Variants in CMSS1 observed in about 807,000 individuals in gnomAD.
The protein encoded by CMSS1 is cms1 ribosomal small subunit homolog.
CMSS1 carries 33 observed loss-of-function variants against 43.5 expected under a neutral mutation model. The ratio of observed to expected loss-of-function variants is 0.76; its 90% CI spans 0.57 to 1.01. The LOEUF (loss-of-function observed/expected upper bound fraction) is 1.01, where lower values mean the gene tolerates loss of function less well. Ranked by LOEUF, CMSS1 falls within the 50% of genes least tolerant of loss-of-function variation. The probability of loss-of-function intolerance (pLI) is 0.00; values close to 1 mark genes in which losing one functional copy is unlikely to be tolerated. For synonymous variants in CMSS1, 115 were observed against 117.2 expected (o/e 0.98, Z 0.12); for missense variants, 313 against 326.4 (o/e 0.96, Z 0.32).
chr3:100,068,773 G>A (rs1171294324), intron 1 of CMSS1, among the ~76,000 whole-genome samples: 3 of 152,200 alleles, frequency 2.0e-5, no homozygotes, highest in African/African-American at 7.2e-5. Context: ...GAATACAGGC[G>A]CCCACCACCA....
In CMSS1 at chr3:100,176,219, G is replaced by C; in HGVS notation, c.668-108G>C. On this transcript the variant is annotated intron_variant, in intron 8 of 9. Transcript: ENST00000421999. ...AATGTGCGGAGATTAGTTACTGGGG[G>C]AGAGGACAACATATGAGACAAAAAG... 4.4e-6 allele frequency: 3 copies of C among 689,576 alleles called. No homozygotes were observed. In the South Asian group the frequency reaches 5.6e-5, roughly 13 times the overall value. 42.7% of individuals were successfully genotyped at this position (689,576 alleles called of 1,614,324 possible).
chr3:100,018,921 A>G (rs1427758758), intron 1 of CMSS1, among the ~76,000 whole-genome samples: 1 of 152,206 alleles, frequency 6.6e-6, no homozygotes, highest in African/African-American at 2.4e-5. Context: ...AAGAAGATAA[A>G]TAGCCAAGAG....
At chr3:99,861,602 C>T (rs144815561) in intron 1 of CMSS1, among the ~76,000 whole-genome samples, 8 of 152,154 alleles carry the variant, frequency 5.3e-5, no homozygotes, top group Non-Finnish European at 8.8e-5. Context: ...GTCTGTTTGC[C>T]CAAGGTAGCC....
intron 1 of CMSS1, among the ~76,000 whole-genome samples, chr3:100,065,863 A>G (rs1393063316): frequency 1.3e-5 from 2 of 152,224 alleles, no homozygotes; most frequent in Non-Finnish European, 2.9e-5. Context: ...ACTGTGTTCT[A>G]TGCTGTAAGG....
At chr3:99,901,408 T>C (rs793463) in intron 1 of CMSS1, among the ~76,000 whole-genome samples, 40,357 of 152,082 alleles carry the variant, frequency 0.27, 6,069 homozygotes, top group Admixed American at 0.34. Flanking sequence ...TCATTTTAGC[T>C]CATGTCAAAA....
intron 2 of CMSS1, among the ~76,000 whole-genome samples, chr3:100,150,481 G>A (rs1206362822): frequency 6.6e-6 from 1 of 152,056 alleles, no homozygotes; most frequent in African/African-American, 2.4e-5. Context: ...ATACATTTAG[G>A]CTTTAATATC....
At chr3:99,827,040 T>G (rs1306507818) in intron 1 of CMSS1, among the ~76,000 whole-genome samples, 1 of 152,228 alleles carries the variant, frequency 6.6e-6, no homozygotes, top group Non-Finnish European at 1.5e-5. Flanking sequence ...ATATTTCAGT[T>G]GTGTTACATA....
At chr3:100,137,563 AC>A (rs1018506672) in intron 1 of CMSS1, among the ~76,000 whole-genome samples, 7 of 151,158 alleles carry the variant, frequency 4.6e-5, no homozygotes, top group African/African-American at 1.5e-4. Context: ...TAAGCATGTA[AC>A]TTTTTTTTTT....
intron 1 of CMSS1, among the ~76,000 whole-genome samples, chr3:99,991,875 C>CACATATAT (rs1346566776): frequency 4.8e-5 from 7 of 146,566 alleles, no homozygotes; most frequent in Non-Finnish European, 1.1e-4. Flanking sequence ...TATATATACA[C>CACATATAT]ACATATATGT....
chr3:100,175,994 G>T (rs1446941104), intron 8 of CMSS1, among the ~76,000 whole-genome samples: 1 of 152,162 alleles, frequency 6.6e-6, no homozygotes, highest in Non-Finnish European at 1.5e-5. Flanking sequence ...CAAACTGCGG[G>T]ATTTAACTTA....
chr3:100,131,486 G>A (rs546925000), intron 1 of CMSS1, among the ~76,000 whole-genome samples: 155 of 152,262 alleles, frequency 1.0e-3, no homozygotes, highest in African/African-American at 3.4e-3. Flanking sequence ...CTATTGAGTG[G>A]CAGAGGTGTG....
intron 1 of CMSS1, among the ~76,000 whole-genome samples, chr3:100,025,120 G>A (rs550023339): frequency 1.3e-4 from 20 of 152,204 alleles, no homozygotes; most frequent in African/African-American, 4.3e-4. Flanking sequence ...AATCGAGGCC[G>A]TAAGATTTCC....
At chr3:100,012,761 CTTTTT>C (rs35737304) in intron 1 of CMSS1, among the ~76,000 whole-genome samples, 2 of 93,602 alleles carry the variant, frequency 2.1e-5, no homozygotes, top group African/African-American at 3.6e-5. Context: ...GAAGCATATT[CTTTTT>C]TTTTTTTTTT....
intron 1 of CMSS1, among the ~76,000 whole-genome samples, chr3:100,125,964 G>T (rs1559765624): frequency 6.6e-6 from 1 of 152,092 alleles, no homozygotes; most frequent in African/African-American, 2.4e-5. Flanking sequence ...GGAACTTGTG[G>T]TATAAAGGGT....
intron 1 of CMSS1, among the ~76,000 whole-genome samples, chr3:100,094,036 A>T (rs186935529): frequency 6.6e-6 from 1 of 152,230 alleles, no homozygotes; most frequent in Non-Finnish European, 1.5e-5. Context: ...ACCAACTTAC[A>T]TTCCTACCAG....
chr3:99,822,490 G>T (rs1942457227), intron 1 of CMSS1, among the ~76,000 whole-genome samples: 1 of 152,150 alleles, frequency 6.6e-6, no homozygotes, highest in Admixed American at 6.5e-5. Flanking sequence ...CTACACTTTG[G>T]GAGGCTGAGG....
chr3:99,967,267 A>C (rs1439476508), intron 1 of CMSS1, among the ~76,000 whole-genome samples: 1 of 152,212 alleles, frequency 6.6e-6, no homozygotes, highest in African/African-American at 2.4e-5. Flanking sequence ...TCTGATATTA[A>C]TACTTACCTC....
At chr3:99,874,198 T>G (rs1051720697) in intron 1 of CMSS1, 12 of 152,170 alleles carry the variant, frequency 7.9e-5, no homozygotes, top group African/African-American at 2.9e-4. Context: ...TAAAAGACAC[T>G]GGGAAACACA....
chr3:99,939,307 T>C (rs1280292467), intron 1 of CMSS1, among the ~76,000 whole-genome samples: 2 of 152,216 alleles, frequency 1.3e-5, no homozygotes, highest in Non-Finnish European at 2.9e-5. Context: ...TCCCAGGAAC[T>C]TTAGTTCGTG....
Sources: allele counts gnomAD v4.1 joint callset (sites outside exome capture counted in the v4.1 genomes callset), GRCh38; gene constraint gnomAD v4.1.1; transcripts MANE v1.5; gene names NCBI Gene and HGNC (gene_info 2026-07-23, HGNC 2026-07-21).